The following PKHD1 variants were observed in gnomAD, a reference collection of about 807,000 sequenced individuals.
The protein encoded by PKHD1 is PKHD1 ciliary IPT domain containing fibrocystin/polyductin.
PKHD1 carries 291 observed loss-of-function variants against 412.0 expected under a neutral mutation model. The observed-to-expected ratio is 0.71, with a 90% CI of 0.64 to 0.78. The LOEUF (loss-of-function observed/expected upper bound fraction) is 0.78. PKHD1 is among the 30% of genes least tolerant of loss of function. PKHD1 has a pLI of 0.00. For missense variants in PKHD1, 4,825 were observed against 4,950.7 expected (o/e 0.97, Z 0.76); for synonymous variants, 1,777 against 1,821.5 (o/e 0.98, Z 0.62).
At chr6:51,867,148 C>T (rs1017426300) in intron 48 of PKHD1, among the ~76,000 whole-genome samples, 2 of 152,086 alleles carry the variant, frequency 1.3e-5, no homozygotes, top group African/African-American at 4.8e-5. Flanking sequence ...AGTTAGGACA[C>T]TTAAGACAAA....
rs116193817 is a variant in PKHD1 at position 51,739,235 on chromosome 6, T to C, written c.10156+5150A>G. Among the ~76,000 whole-genome samples the C allele has an allele frequency of 7.6e-3, 1,145 of 150,892 alleles. 15 individuals carry two copies. Among genetic ancestry groups the C allele is most frequent in the Non-Finnish European group, 0.014 (944 of 67,806 alleles). ...ATGTACATGTATTATATATATAATA[T>C]ATATAATTGTTTTAGAGACAGGTCT... On this transcript the variant is annotated intron_variant, in intron 60 of 66. Coordinates refer to ENST00000371117, the MANE Select transcript of PKHD1 (RefSeq NM_138694.4).
At chr6:51,771,455 CT>C (rs1790117716) in intron 55 of PKHD1, among the ~76,000 whole-genome samples, 3 of 151,978 alleles carry the variant, frequency 2.0e-5, no homozygotes, top group Non-Finnish European at 2.9e-5. Context: ...AACATCTCTA[CT>C]AAAAGTACAA....
At chr6:52,071,869 C>A (rs543956178) in intron 8 of PKHD1, among the ~76,000 whole-genome samples, 1 of 152,208 alleles carries the variant, frequency 6.6e-6, no homozygotes, top group South Asian at 2.1e-4. Flanking sequence ...ATGGTAAGCC[C>A]CTAACAAGTA....
At chr6:51,690,271 C>CAAAAAAAAAAAAA (rs70977310) in intron 60 of PKHD1, among the ~76,000 whole-genome samples, 4 of 109,918 alleles carry the variant, frequency 3.6e-5, no homozygotes, top group Non-Finnish European at 5.5e-5. Context: ...GACTCCATCT[C>CAAAAAAAAAAAAA]AAAAAAAAAA....
chr6:51,781,138 T>C (rs1791932837), intron 53 of PKHD1, among the ~76,000 whole-genome samples: 1 of 152,142 alleles, frequency 6.6e-6, no homozygotes. Flanking sequence ...ACCTTCTTAC[T>C]ATCATATAAA....
intron 37 of PKHD1, among the ~76,000 whole-genome samples, chr6:51,922,486 G>A (rs918314351): frequency 6.6e-6 from 1 of 152,208 alleles, no homozygotes; most frequent in East Asian, 1.9e-4. Flanking sequence ...TGTCAGACAG[G>A]GACATTTAAG....
chr6:51,728,684 T>A (rs542143200), intron 60 of PKHD1, among the ~76,000 whole-genome samples: 1 of 152,330 alleles, frequency 6.6e-6, no homozygotes, highest in African/African-American at 2.4e-5. Flanking sequence ...ATCAGAGATC[T>A]GAAGCAGAGA....
intron 35 of PKHD1, among the ~76,000 whole-genome samples, chr6:51,983,414 G>A (rs571219561): frequency 6.0e-4 from 91 of 152,214 alleles, no homozygotes; most frequent in African/African-American, 1.8e-3. Flanking sequence ...CTCAAAAGCC[G>A]AACCTTCTGC....
intron 51 of PKHD1, among the ~76,000 whole-genome samples, chr6:51,835,020 T>C (rs1435762791): frequency 2.0e-5 from 3 of 152,172 alleles, no homozygotes; most frequent in Non-Finnish European, 4.4e-5. Context: ...TAGGATAGCC[T>C]GCAAGGTCTC....
chr6:51,987,799 C>G (rs1007187710), intron 35 of PKHD1, among the ~76,000 whole-genome samples: 14 of 151,542 alleles, frequency 9.2e-5, no homozygotes, highest in Non-Finnish European at 1.6e-4. Context: ...AGAAGACCCT[C>G]AAGTCCCTAA....
chr6:52,072,452 T>C (rs982654125), intron 7 of PKHD1, among the ~76,000 whole-genome samples: 1 of 152,190 alleles, frequency 6.6e-6, no homozygotes. Context: ...ACTGGCTATA[T>C]TGATTCTACA....
intron 35 of PKHD1, among the ~76,000 whole-genome samples, chr6:51,978,914 T>C (rs1794791222): frequency 6.6e-6 from 1 of 152,092 alleles, no homozygotes; most frequent in African/African-American, 2.4e-5. Context: ...AATGGATGGA[T>C]ATCTCCATTT....
At chr6:51,859,656 G>A (rs971655771) in intron 48 of PKHD1, among the ~76,000 whole-genome samples, 11 of 151,716 alleles carry the variant, frequency 7.3e-5, no homozygotes, top group Middle Eastern at 3.4e-3. Flanking sequence ...GGACTTAATT[G>A]CTCGTCAAAT....
chr6:51,928,349 T>C (rs1283623462), intron 37 of PKHD1, among the ~76,000 whole-genome samples: 1 of 152,174 alleles, frequency 6.6e-6, no homozygotes, highest in African/African-American at 2.4e-5. Flanking sequence ...ACGAAGGTAG[T>C]GACTAAAGAA....
chr6:51,782,775 TTC>T (rs1238678660), intron 53 of PKHD1, among the ~76,000 whole-genome samples: 1 of 152,130 alleles, frequency 6.6e-6, no homozygotes, highest in Non-Finnish European at 1.5e-5. Context: ...ACATACAAGA[TTC>T]TCTCTGGCTG....
intron 35 of PKHD1, among the ~76,000 whole-genome samples, chr6:52,003,447 T>C (rs570095765): frequency 1.3e-5 from 2 of 152,290 alleles, no homozygotes; most frequent in African/African-American, 4.8e-5. Context: ...CCACAATATT[T>C]ATCTGCATCT....
chr6:51,900,569 T>C (rs1290566113), intron 43 of PKHD1, among the ~76,000 whole-genome samples: 1 of 152,182 alleles, frequency 6.6e-6, no homozygotes, highest in East Asian at 1.9e-4. Flanking sequence ...ATAAAAACCC[T>C]AGAAGAAAAC....
At chr6:51,841,295 A>G (rs1037931159) in intron 50 of PKHD1, among the ~76,000 whole-genome samples, 1 of 152,362 alleles carries the variant, frequency 6.6e-6, no homozygotes, top group Middle Eastern at 3.4e-3. Context: ...TAAGGCTAGC[A>G]ACTCAGCATT....
intron 60 of PKHD1, chr6:51,721,854 C>A: frequency 1.9e-6 from 3 of 1,542,410 alleles, no homozygotes; most frequent in African/African-American, 1.4e-5. Flanking sequence ...CAATCAATTT[C>A]TTCTCAATTT....
Sources: allele counts gnomAD v4.1 joint callset (sites outside exome capture counted in the v4.1 genomes callset), GRCh38; gene constraint gnomAD v4.1.1; transcripts MANE v1.5; gene names NCBI Gene and HGNC (gene_info 2026-07-23, HGNC 2026-07-21).